The following DHRSX variants were observed in gnomAD, a reference collection of about 807,000 sequenced individuals.
DHRSX encodes the protein dehydrogenase/reductase X-linked, also known as polyprenol dehydrogenase.
Under a neutral mutation model 34.0 loss-of-function variants are expected in DHRSX, and 31 were observed. The ratio of observed to expected loss-of-function variants is 0.91; its 90% CI spans 0.69 to 1.23. The LOEUF (loss-of-function observed/expected upper bound fraction) is 1.23, where lower values mean the gene tolerates loss of function less well. DHRSX is among the 50% of genes most tolerant of loss of function. DHRSX has a pLI of 0.00. For missense variants in DHRSX, 414 were observed against 428.1 expected (o/e 0.97, Z 0.29); for synonymous variants, 201 against 183.8 (o/e 1.09, Z -0.76).
chrX:2,306,561 A>G (rs923090525), intron 3 of DHRSX, among the ~76,000 whole-genome samples: 8 of 151,524 alleles, frequency 5.3e-5, no homozygotes, highest in African/African-American at 1.9e-4. Context: ...CGCCAGGTTC[A>G]AGCGATTCAG....
chrX:2,221,279 A>G (rs2015514554), intron 6 of DHRSX, 50 bp from the exon 7 acceptor site: 1 of 1,579,324 alleles, frequency 6.3e-7, no homozygotes, highest in Admixed American at 1.7e-5. Context: ...TCTGAGCAGG[A>G]AACAGGAGTC....
At chrX:2,264,755 A>G (rs2041419713) in intron 5 of DHRSX, among the ~76,000 whole-genome samples, 1 of 151,538 alleles carries the variant, frequency 6.6e-6, no homozygotes, top group Non-Finnish European at 1.5e-5. Context: ...CACAGGGAGT[A>G]CCGTGCCCAG....
At chrX:2,287,377 A>C (rs1361483631) in intron 4 of DHRSX, among the ~76,000 whole-genome samples, 1 of 151,582 alleles carries the variant, frequency 6.6e-6, no homozygotes, top group African/African-American at 2.4e-5. Context: ...CCTCATGTGG[A>C]AGACAGAATA....
intron 4 of DHRSX, 121 bp from the exon 5 acceptor site, chrX:2,267,068 G>A (rs1160648369): frequency 2.0e-5 from 19 of 965,826 alleles, no homozygotes; most frequent in Non-Finnish European, 2.6e-5. Flanking sequence ...TAGAGCTGGC[G>A]GCCATGTCTT....
intron 5 of DHRSX, among the ~76,000 whole-genome samples, chrX:2,252,424 A>C (rs1356453886): frequency 2.0e-5 from 3 of 152,150 alleles, no homozygotes; most frequent in African/African-American, 7.2e-5. Flanking sequence ...AGTCCAGGAA[A>C]CAGATAGTTA....
intron 1 of DHRSX, among the ~76,000 whole-genome samples, chrX:2,484,438 C>T (rs1489920490): frequency 6.6e-6 from 1 of 152,140 alleles, no homozygotes; most frequent in Non-Finnish European, 1.5e-5. Flanking sequence ...GGACAGGCAG[C>T]CGCAGCTAGG....
At chrX:2,319,416 G>A (rs183937865) in intron 3 of DHRSX, among the ~76,000 whole-genome samples, 215 of 151,668 alleles carry the variant, frequency 1.4e-3, no homozygotes, top group African/African-American at 4.8e-3. Flanking sequence ...GGTGGCGTGT[G>A]CCTGTAATCC....
intron 1 of DHRSX, among the ~76,000 whole-genome samples, chrX:2,442,586 C>G (rs1270800602): frequency 6.6e-6 from 1 of 151,934 alleles, no homozygotes; most frequent in Non-Finnish European, 1.5e-5. Context: ...AACAACGTGT[C>G]TTTGCAGTCC....
At chrX:2,285,306 G>A (rs2041792001) in intron 4 of DHRSX, among the ~76,000 whole-genome samples, 1 of 152,200 alleles carries the variant, frequency 6.6e-6, no homozygotes, top group South Asian at 2.1e-4. Flanking sequence ...ATCTGGGGGT[G>A]ATGGGAGACA....
In DHRSX at chrX:2,361,160, G is replaced by C. The variant is rs773487211; in HGVS notation, c.286+47585C>G. 1.2e-3 allele frequency among the ~76,000 whole-genome samples: 190 copies of C among 152,188 alleles called. 1 individual carries two copies. The highest frequency in any genetic ancestry group is 0.011 in the South Asian group (52 of 4,808). On this transcript the variant is annotated intron_variant, in intron 3 of 6. Transcript: ENST00000334651. The stretch of plus-strand genomic sequence containing the variant: ...GAGTTTTCACTCTGTCGCCAGGCTG[G>C]AGTGCAGTGGTGCGATCTCGGCTCA...
At chrX:2,448,057 G>A (rs28789522) in intron 1 of DHRSX, among the ~76,000 whole-genome samples, 43,509 of 151,410 alleles carry the variant, frequency 0.29, 7,241 homozygotes, top group African/African-American at 0.45. Context: ...AAAAAAATTA[G>A]CTGGGTATGG....
At chrX:2,283,580 C>T (rs1046583643) in intron 4 of DHRSX, among the ~76,000 whole-genome samples, 2 of 152,002 alleles carry the variant, frequency 1.3e-5, no homozygotes, top group African/African-American at 2.4e-5. Flanking sequence ...GGTGTCCGTC[C>T]ACCAAAAAGT....
intron 3 of DHRSX, among the ~76,000 whole-genome samples, chrX:2,296,288 T>C (rs1437020566): frequency 6.6e-6 from 1 of 152,106 alleles, no homozygotes; most frequent in Non-Finnish European, 1.5e-5. Context: ...GTATGGGAGC[T>C]TGGGCCACGT....
chrX:2,283,418 G>A (rs1369343631), intron 4 of DHRSX, among the ~76,000 whole-genome samples: 1 of 152,096 alleles, frequency 6.6e-6, no homozygotes, highest in African/African-American at 2.4e-5. Flanking sequence ...AGAATAAATG[G>A]TCTACACCTG....
At chrX:2,322,315 A>C (rs2042321286) in intron 3 of DHRSX, among the ~76,000 whole-genome samples, 1 of 152,028 alleles carries the variant, frequency 6.6e-6, no homozygotes, top group South Asian at 2.1e-4. Flanking sequence ...TTGGGACGCC[A>C]AGGCGGGTAG....
intron 3 of DHRSX, among the ~76,000 whole-genome samples, chrX:2,374,957 C>T (rs2043124058): frequency 7.4e-6 from 1 of 135,978 alleles, no homozygotes; most frequent in Admixed American, 7.4e-5. Context: ...GTAGTCTCAG[C>T]TACATAGGAG....
Position 2,454,904 on chromosome X carries a change from G to A in DHRSX, c.110-29600C>T, listed in dbSNP as rs191674309. Among the ~76,000 whole-genome samples the A allele has an allele frequency of 1.1e-4, 16 of 152,062 alleles. 1 individual carries two copies. The highest frequency in any genetic ancestry group is 8.3e-4 in the South Asian group (4 of 4,810). On this transcript the variant is annotated intron_variant, in intron 1 of 6. Transcript: ENST00000334651. The stretch of plus-strand genomic sequence containing the variant: ...GAGGCGGGTGGATTACCTGAGGTCC[G>A]GAGTTCAAGACCAGCCTGTCCAACA...
chrX:2,328,072 T>A, intron 3 of DHRSX, among the ~76,000 whole-genome samples: 1 of 19,598 alleles, frequency 5.1e-5, no homozygotes. Context: ...AGAGCGAGAC[T>A]CCGTCTCAAA....
chrX:2,308,896 GGAA>G (rs113266235), intron 3 of DHRSX, among the ~76,000 whole-genome samples: 4,191 of 142,754 alleles, frequency 0.029, 163 homozygotes, highest in African/African-American at 0.091. Context: ...GGGGAAGGAA[GGAA>G]GAAGGAGAAA....
Sources: allele counts gnomAD v4.1 joint callset (sites outside exome capture counted in the v4.1 genomes callset), GRCh38; gene constraint gnomAD v4.1.1; transcripts MANE v1.5; gene names NCBI Gene and HGNC (gene_info 2026-07-23, HGNC 2026-07-21).